CACNA1E: variants seen among roughly 807,000 people sequenced by gnomAD.
CACNA1E encodes the protein calcium voltage-gated channel subunit alpha1 E, also known as voltage-dependent R-type calcium channel subunit alpha-1E.
In CACNA1E, 40 loss-of-function variants were observed where a neutral mutation model predicts 259.2. The ratio of observed to expected loss-of-function variants is 0.15; its 90% confidence interval spans 0.12 to 0.20. The LOEUF (loss-of-function observed/expected upper bound fraction) is 0.20. Ranked by LOEUF, CACNA1E falls within the 10% of genes least tolerant of loss-of-function variation. The probability of loss-of-function intolerance (pLI) is 1.00; values close to 1 mark genes in which losing one functional copy is unlikely to be tolerated. For missense variants in CACNA1E, 1,874 were observed against 3,040.1 expected (o/e 0.62, Z 9.02); for synonymous variants, 1,104 against 1,138.5 (o/e 0.97, Z 0.61).
At chr1:181,641,544 C>T (rs1342016704) in intron 6 of CACNA1E, among the ~76,000 whole-genome samples, 2 of 152,086 alleles carry the variant, frequency 1.3e-5, no homozygotes, top group South Asian at 2.1e-4. Context: ...TCTCAGGAAG[C>T]CTTACATGAC....
intron 1 of CACNA1E, among the ~76,000 whole-genome samples, chr1:181,358,691 C>G (rs774520746): frequency 1.3e-5 from 2 of 152,138 alleles, no homozygotes; most frequent in African/African-American, 4.8e-5. Flanking sequence ...CATCACAGAG[C>G]TGTGTGTTAG....
intron 3 of CACNA1E, among the ~76,000 whole-genome samples, chr1:181,573,457 G>A (rs1374594663): frequency 6.6e-6 from 1 of 152,150 alleles, no homozygotes; most frequent in Non-Finnish European, 1.5e-5. Flanking sequence ...CTTAAGCTTT[G>A]CTAGGAGGCA....
chr1:181,458,427 C>CAAGG (rs1159397897), intron 2 of CACNA1E, among the ~76,000 whole-genome samples: 1 of 152,184 alleles, frequency 6.6e-6, no homozygotes, highest in Non-Finnish European at 1.5e-5. Context: ...AAAAGCCTGG[C>CAAGG]AAGGCATAGA....
intron 39 of CACNA1E, 80 bp downstream of exon 39, chr1:181,781,603 A>T: frequency 1.3e-6 from 1 of 769,850 alleles, no homozygotes. Context: ...GAACATGGGG[A>T]GGAAGCCAGG....
At chr1:181,326,907 G>A (rs947259891) in intron 1 of CACNA1E, among the ~76,000 whole-genome samples, 3 of 152,052 alleles carry the variant, frequency 2.0e-5, no homozygotes, top group Non-Finnish European at 2.9e-5. Context: ...TTGCCCTGAC[G>A]TTCATCACCT....
chr1:181,634,342 C>G lies in CACNA1E; in HGVS notation c.952-16996C>G, dbSNP rs147327698. On this transcript the variant is annotated intron_variant, in intron 6 of 47. Coordinates refer to ENST00000367573, the MANE Select transcript of CACNA1E (RefSeq NM_001205293.3). Reference sequence around the variant, plus strand: ...CAAAGATTATCTAAGGGCAGATACTCTGAACATAGCCATAGTTTATTGATT... The same window carrying G: ...CAAAGATTATCTAAGGGCAGATACTGTGAACATAGCCATAGTTTATTGATT... Among the ~76,000 whole-genome samples the G allele has an allele frequency of 7.0e-4, 106 of 152,328 alleles. 1 individual carries two copies. The highest frequency in any genetic ancestry group is 1.3e-3 in the Non-Finnish European group (90 of 68,030).
At chr1:181,534,056 C>T (rs571784790) in intron 3 of CACNA1E, among the ~76,000 whole-genome samples, 15 of 151,960 alleles carry the variant, frequency 9.9e-5, no homozygotes, top group African/African-American at 3.6e-4. Context: ...TTTTTCTTAT[C>T]TTATTGCCCT....
At chr1:181,524,689 G>A (rs565568128) in intron 3 of CACNA1E, among the ~76,000 whole-genome samples, 3 of 152,328 alleles carry the variant, frequency 2.0e-5, no homozygotes, top group Admixed American at 2.0e-4. Context: ...GAAAGAGAGA[G>A]TAAGAATAAG....
chr1:181,692,941 A>G (rs1204391443), intron 7 of CACNA1E, among the ~76,000 whole-genome samples: 1 of 152,068 alleles, frequency 6.6e-6, no homozygotes. Context: ...AACATAAACA[A>G]TTCAACAAGC....
Position 181,722,411 on chromosome 1 carries a change from C to T in CACNA1E, c.2074+536C>T, listed in dbSNP as rs78200581. Among the ~76,000 whole-genome samples, 9 of 152,228 alleles carry T rather than the reference C, an allele frequency of 5.9e-5. No homozygotes were observed. In the East Asian group the frequency reaches 1.5e-3, roughly 26 times the overall value. ...TTACAAGACAGAGAAAAAAATATCT[C>T]GAGTAAAATAACTACTAAATTGTAA... On this transcript the variant is annotated intron_variant, in intron 16 of 47. Coordinates refer to ENST00000367573, the MANE Select transcript of CACNA1E (RefSeq NM_001205293.3).
chr1:181,367,285 T>C (rs955249775), intron 1 of CACNA1E, among the ~76,000 whole-genome samples: 2 of 152,206 alleles, frequency 1.3e-5, no homozygotes, highest in African/African-American at 4.8e-5. Flanking sequence ...AAGCTCTTTT[T>C]TGAGTTGAAT....
At chr1:181,714,126 T>C (rs896588410) in intron 8 of CACNA1E, among the ~76,000 whole-genome samples, 4 of 152,152 alleles carry the variant, frequency 2.6e-5, no homozygotes, top group African/African-American at 9.7e-5. Context: ...CTGCCCCCAC[T>C]TTAGATGGCA....
chr1:181,412,397 G>T (rs1372308759), intron 1 of CACNA1E, among the ~76,000 whole-genome samples: 1 of 152,104 alleles, frequency 6.6e-6, no homozygotes, highest in African/African-American at 2.4e-5. Flanking sequence ...ACGGGGAAAC[G>T]TCATCTCTAC....
intron 2 of CACNA1E, among the ~76,000 whole-genome samples, chr1:181,454,856 G>A (rs928797509): frequency 1.3e-5 from 2 of 148,598 alleles, no homozygotes; most frequent in African/African-American, 2.6e-5. Context: ...GACATGCAAA[G>A]TTGAAAAGTT....
intron 3 of CACNA1E, among the ~76,000 whole-genome samples, chr1:181,563,163 G>T (rs1649488500): frequency 6.6e-6 from 1 of 152,162 alleles, no homozygotes; most frequent in Non-Finnish European, 1.5e-5. Context: ...ATCAAGCACT[G>T]TAATTGTAGG....
intron 3 of CACNA1E, among the ~76,000 whole-genome samples, chr1:181,553,471 C>T (rs1440447369): frequency 6.6e-6 from 1 of 152,162 alleles, no homozygotes; most frequent in Non-Finnish European, 1.5e-5. Context: ...GGCTTCCTCT[C>T]TTCCTATGTG....
intron 1 of CACNA1E, among the ~76,000 whole-genome samples, chr1:181,329,460 G>C (rs1382196341): frequency 6.6e-6 from 1 of 152,074 alleles, no homozygotes; most frequent in African/African-American, 2.4e-5. Flanking sequence ...CCCCACCACA[G>C]CTTCAATGCC....
At chr1:181,659,982 A>G (rs964795857) in intron 7 of CACNA1E, among the ~76,000 whole-genome samples, 2 of 152,156 alleles carry the variant, frequency 1.3e-5, no homozygotes, top group Admixed American at 1.3e-4. Flanking sequence ...CATCTTGACC[A>G]TATAGATTTG....
chr1:181,626,575 T>C (rs1037014900), intron 6 of CACNA1E, among the ~76,000 whole-genome samples: 2 of 152,178 alleles, frequency 1.3e-5, no homozygotes, highest in South Asian at 2.1e-4. Context: ...TGTATGGACA[T>C]GGTTTACTGG....
Sources: gnomAD v4.1 joint callset for allele counts (sites outside exome capture counted in the v4.1 genomes callset) on GRCh38, gnomAD v4.1.1 for gene constraint, MANE v1.5 for transcripts, NCBI Gene and HGNC (gene_info 2026-07-23, HGNC 2026-07-21) for gene names.